Variants in ABCA13 observed in about 807,000 individuals in gnomAD.
ABCA13 encodes ATP-binding cassette sub-family A member 13.
A neutral mutation model predicts 478.7 loss-of-function variants in ABCA13; 476 were observed. The ratio of observed to expected loss-of-function variants is 0.99; its 90% CI spans 0.92 to 1.07. ABCA13 has a LOEUF of 1.07. Among genes scored for constraint, ABCA13 ranks in the 50% least tolerant of loss-of-function variants. The pLI is 0.00. For missense variants in ABCA13, 6,060 were observed against 5,910.6 expected, an observed-to-expected ratio of 1.03 and a Z score of -0.83; for synonymous variants, 2,252 against 2,158.9, an observed-to-expected ratio of 1.04 and a Z score of -1.20.
chr7:48,387,625 A>G (rs1453453134), intron 35 of ABCA13, among the ~76,000 whole-genome samples, 197 bp from the exon 36 acceptor site: 3 of 152,176 alleles, frequency 2.0e-5, no homozygotes, highest in Non-Finnish European at 4.4e-5. Context: ...ATGGCTGTGG[A>G]TCAGGCCGAG....
At chr7:48,248,165 T>C in intron 13 of ABCA13, 74 bp from the exon 14 acceptor site, 1 of 1,291,412 alleles carries the variant, frequency 7.7e-7, no homozygotes, top group Non-Finnish European at 1.1e-6. Flanking sequence ...TGATACAGGG[T>C]CAAGGCTGCG....
chr7:48,416,480 C>T (rs543854394), intron 41 of ABCA13, among the ~76,000 whole-genome samples: 1 of 152,078 alleles, frequency 6.6e-6, no homozygotes, highest in Non-Finnish European at 1.5e-5. Flanking sequence ...TGCAGAATGA[C>T]TCCCCTACCT....
chr7:48,221,412 A>G, intron 5 of ABCA13, 103 bp downstream of exon 5: 1 of 597,982 alleles, frequency 1.7e-6, no homozygotes, highest in Non-Finnish European at 2.7e-6. Context: ...ATTTCTAATG[A>G]CTTGTATAAC....
intron 27 of ABCA13, among the ~76,000 whole-genome samples, chr7:48,318,610 C>T (rs1253124662): frequency 6.6e-6 from 1 of 151,200 alleles, no homozygotes; most frequent in African/African-American, 2.4e-5. Context: ...TCTGCACTCT[C>T]ACATGGAACG....
intron 41 of ABCA13, among the ~76,000 whole-genome samples, chr7:48,427,191 T>C (rs939653582): frequency 2.6e-5 from 4 of 152,198 alleles, no homozygotes; most frequent in African/African-American, 9.7e-5. Context: ...TTTGCTACTT[T>C]AGTCATAGTA....
intron 29 of ABCA13, among the ~76,000 whole-genome samples, chr7:48,343,622 G>T (rs60663412): frequency 0.025 from 3,873 of 151,982 alleles, 173 homozygotes; most frequent in African/African-American, 0.088. Context: ...GGGTTTTGGG[G>T]AGCAGGTGGT....
intron 3 of ABCA13, among the ~76,000 whole-genome samples, chr7:48,212,374 T>G (rs777580483): frequency 3.3e-5 from 5 of 152,236 alleles, no homozygotes; most frequent in Non-Finnish European, 7.3e-5. Context: ...AGTGCCTCTT[T>G]CCATCTTAAA....
chr7:48,462,603 G>A (rs559975315), intron 43 of ABCA13, among the ~76,000 whole-genome samples: 75 of 152,050 alleles, frequency 4.9e-4, no homozygotes, highest in Non-Finnish European at 7.2e-4. Context: ...CCACCTCCTG[G>A]GTTCCAGTGA....
chr7:48,412,636 C>T lies in ABCA13; in HGVS notation c.12459+53C>T, dbSNP rs1196268363. ...ATTATTTATGCCTTTTTGACCAGTC[C>T]ACATTAAATGAAGAGATGTGGGTAA... On this transcript the variant is annotated intron_variant, in intron 41 of 61. Coordinates refer to ENST00000435803, the MANE Select transcript of ABCA13 (RefSeq NM_152701.5). 6 of 1,452,328 alleles carry T rather than the reference C, an allele frequency of 4.1e-6. No individual in the cohort carries two copies. In the East Asian group the frequency reaches 6.9e-5, roughly 17 times the overall value. The allele number at this position is 1,452,328 out of a possible 1,614,324, so 90.0% of individuals were successfully genotyped here. A position where few individuals can be genotyped will look rare whatever the true frequency, so the allele number is the denominator to read the frequency against.
rs559337119 is a variant in ABCA13 at position 48,501,442 on chromosome 7, G to C, written c.13292-4894G>C. Among the ~76,000 whole-genome samples, 157 of 152,276 alleles carry C rather than the reference G, an allele frequency of 1.0e-3. 2 individuals carry two copies. In the South Asian group the frequency reaches 0.032, roughly 31 times the overall value. ...GCCCCATGAGAGGAACTGTAGATCA[G>C]TGTGTTCTTTAATAGAGTCTTTAAA... On this transcript the variant is annotated intron_variant, in intron 48 of 61. Coordinates refer to ENST00000435803, the MANE Select transcript of ABCA13 (RefSeq NM_152701.5).
At chr7:48,298,892 C>A (rs2128845307) in intron 23 of ABCA13, among the ~76,000 whole-genome samples, 1 of 152,284 alleles carries the variant, frequency 6.6e-6, no homozygotes, top group South Asian at 2.1e-4. Context: ...CTATGACTTC[C>A]TCTGAGTGGA....
intron 48 of ABCA13, among the ~76,000 whole-genome samples, chr7:48,490,011 T>A (rs1829700876): frequency 1.3e-5 from 2 of 152,242 alleles, no homozygotes; most frequent in African/African-American, 4.8e-5. Context: ...CAAAATGTAT[T>A]TGTTGAAACA....
At chr7:48,197,791 A>G (rs1292506422) in intron 2 of ABCA13, among the ~76,000 whole-genome samples, 1 of 152,182 alleles carries the variant, frequency 6.6e-6, no homozygotes, top group Admixed American at 6.5e-5. Context: ...CTATATTTAA[A>G]CATTAAGAAT....
intron 30 of ABCA13, among the ~76,000 whole-genome samples, chr7:48,351,557 G>A (rs185899268): frequency 3.5e-4 from 53 of 152,152 alleles, no homozygotes; most frequent in African/African-American, 1.2e-3. Flanking sequence ...TTCCCTCTAT[G>A]TATTTCTCTG....
At position 48,352,416 on chromosome 7, in the gene ABCA13, G is replaced by T. The variant is rs757638079; in HGVS notation, c.10617G>T (p.Gln3539His). The change falls in exon 31 of 62, where the codon CAG (glutamine) becomes CAT (histidine). Residue 3539 changes from glutamine to histidine, a missense_variant. This residue lies in a region of ABCA13 where 4,423 missense variants were observed against 4,309.1 expected (regional missense o/e 1.03). Coordinates refer to ENST00000435803, the MANE Select transcript of ABCA13 (RefSeq NM_152701.5). ...DMIERAIILV[Q>H]TGQEALEPAA... ...TCGAAAGAGCCATCATTTTGGTGCA[G>T]ACTGGGCAGGAAGCCCTGGAACCAG... 1.2e-6 allele frequency: 2 copies of T among 1,613,306 alleles called. No individual in the cohort carries two copies. The highest frequency in any genetic ancestry group is 4.5e-5 in the East Asian group (2 of 44,810).
At chr7:48,570,470 G>A (rs972279738) in intron 55 of ABCA13, among the ~76,000 whole-genome samples, 2 of 151,416 alleles carry the variant, frequency 1.3e-5, no homozygotes, top group Non-Finnish European at 2.9e-5. Context: ...GACTACAGGC[G>A]CCTGCCACCA....
rs551568975 is a variant in ABCA13 at position 48,440,962 on chromosome 7, A to G, written c.12565+13091A>G. Among the ~76,000 whole-genome samples the G allele has an allele frequency of 3.3e-5, 5 of 152,318 alleles. No homozygotes were observed. The South Asian group carries it at 1.0e-3, about 32-fold the overall frequency. On this transcript the variant is annotated intron_variant, in intron 42 of 61. Transcript: ENST00000435803. ...AAATATGACATAAAAATGTAATTTTAGTTATCATTCAAATTATAAATCTGG... is the reference window on the plus strand; with the variant it reads ...AAATATGACATAAAAATGTAATTTTGGTTATCATTCAAATTATAAATCTGG...
chr7:48,396,977 A>T (rs1307122359), intron 38 of ABCA13, among the ~76,000 whole-genome samples: 1 of 152,224 alleles, frequency 6.6e-6, no homozygotes, highest in African/African-American at 2.4e-5. Context: ...ACAAAACAAG[A>T]TCACAAACAC....
In ABCA13 at chr7:48,644,610, C is replaced by A. The variant is rs757118968; in HGVS notation, c.14944-7C>A. On this transcript the variant is annotated splice_polypyrimidine_tract_variant and splice_region_variant and intron_variant, in intron 60 of 61. Coordinates refer to ENST00000435803, the MANE Select transcript of ABCA13 (RefSeq NM_152701.5). ...GATACTTTTTTTTTTTTTTTTTTTG[C>A]TTTTAGGGACAGCACCTGAATTTAT... 7.8e-6 allele frequency: 8 copies of A among 1,029,906 alleles called. No individual in the cohort carries two copies. The highest frequency in any genetic ancestry group is 3.7e-5 in the Admixed American group (1 of 27,216). The allele number at this position is 1,029,906 out of a possible 1,614,324, so 63.8% of individuals were successfully genotyped here. A position where few individuals can be genotyped will look rare whatever the true frequency, so the allele number is the denominator to read the frequency against.
Sources: allele counts gnomAD v4.1 joint callset (sites outside exome capture counted in the v4.1 genomes callset), GRCh38; gene constraint gnomAD v4.1.1; regional missense constraint gnomAD v4.1.1; transcripts MANE v1.5; gene names NCBI Gene and HGNC (gene_info 2026-07-23, HGNC 2026-07-21).